Variants in COCH observed in about 807,000 individuals in gnomAD.
COCH encodes cochlin.
COCH carries 40 observed loss-of-function variants against 54.8 expected under a neutral mutation model. The observed-to-expected ratio is 0.73, with a 90% CI of 0.57 to 0.95. The LOEUF (loss-of-function observed/expected upper bound fraction) is 0.95, where lower values mean the gene tolerates loss of function less well. Among genes scored for constraint, COCH ranks in the 40% least tolerant of loss-of-function variants. The pLI is 0.00. For missense variants in COCH, 605 were observed against 675.0 expected, an observed-to-expected ratio of 0.90 and a Z score of 1.15; for synonymous variants, 256 against 237.9, an observed-to-expected ratio of 1.08 and a Z score of -0.70.
chr14:30,878,764 C>T (rs1474695843), intron 4 of COCH, 47 bp from the exon 5 acceptor site: 7 of 1,613,610 alleles, frequency 4.3e-6, no homozygotes, highest in Middle Eastern at 3.3e-4. Flanking sequence ...AGTGGGATGC[C>T]CTGAAAAAGT....
In COCH at chr14:30,889,659, T is replaced by A. The variant is rs564563172; in HGVS notation, c.1521T>A (p.Asp507Glu). ...FSVGVAWAPLDDLKDMASKPK... is the reference protein window; with the variant it reads ...FSVGVAWAPLEDLKDMASKPK... ...TTGGTGTGGCTTGGGCACCTCTGGA[T>A]GACCTGAAAGATATGGCTTCTAAAC... Residue 507 changes from aspartate to glutamate, a missense_variant, in exon 12 of 12, where the codon GAT becomes GAA. Asp to Glu is a conservative substitution (Grantham distance 45). Coordinates refer to ENST00000396618, the MANE Select transcript of COCH (RefSeq NM_004086.3). 68 of 1,614,118 alleles carry A rather than the reference T, an allele frequency of 4.2e-5. 1 individual carries two copies. The South Asian group carries it at 7.4e-4, about 17-fold the overall frequency.
intron 11 of COCH, among the ~76,000 whole-genome samples, chr14:30,887,922 G>C (rs1175595464): frequency 6.6e-6 from 1 of 152,136 alleles, no homozygotes; most frequent in African/African-American, 2.4e-5. Flanking sequence ...TAGTTAACAG[G>C]ATTGTATTCA....
chr14:30,889,460 T>C (rs903208682), intron 11 of COCH, 156 bp from the exon 12 acceptor site: 14 of 676,690 alleles, frequency 2.1e-5, no homozygotes, highest in Admixed American at 1.2e-4. Context: ...TCACAATGAC[T>C]GTGAAAACTT....
rs1054562696 is a variant in COCH at position 30,880,790 on chromosome 14, C to A, written c.629+56C>A. The A allele has an allele frequency of 4.7e-6, 6 of 1,282,320 alleles. No individual in the cohort carries two copies. The Admixed American group carries it at 5.1e-5, about 11-fold the overall frequency. The allele number at this position is 1,282,320 out of a possible 1,614,324, so 79.4% of individuals were successfully genotyped here. A position where few individuals can be genotyped will look rare whatever the true frequency, so the allele number is the denominator to read the frequency against. ...AAAAAAAATTATTTTGTAATTGACA[C>A]ATAATAATTATATATACTTATGGGG... On this transcript the variant is annotated intron_variant, in intron 8 of 11. Transcript: ENST00000396618.
rs1895424992 is a variant in COCH at position 30,877,833 on chromosome 14, G to T, written c.239+105G>T. 1.9e-6 allele frequency: 3 copies of T among 1,555,600 alleles called. No individual in the cohort carries two copies. The East Asian group carries it at 6.8e-5, about 35-fold the overall frequency. ...TCCTCCCTGCATTCTTTCTTTTGTT[G>T]CCATTGTGGCCACAGAAAATGGATA... On this transcript the variant is annotated intron_variant, in intron 4 of 11. Transcript: ENST00000396618. The surrounding 1 kb of genome is among the most constrained non-coding windows in gnomAD (Gnocchi z 8.6).
At chr14:30,878,773 G>A (rs763586677) in intron 4 of COCH, 38 bp from the exon 5 acceptor site, 1 of 1,614,002 alleles carries the variant, frequency 6.2e-7, no homozygotes, top group Non-Finnish European at 8.5e-7. Flanking sequence ...CCCTGAAAAA[G>A]TGTGGATAGC....
downstream of COCH, among the ~76,000 whole-genome samples, chr14:30,893,335 G>A (rs151086485): frequency 1.5e-3 from 221 of 151,836 alleles, 1 homozygote; most frequent in East Asian, 0.023. Flanking sequence ...TGTGTTTTTA[G>A]TAGAGACGGG....
At chr14:30,893,216 A>C, downstream of COCH, among the ~76,000 whole-genome samples, 1 of 134,338 alleles carries the variant, frequency 7.4e-6, no homozygotes, top group East Asian at 2.2e-4. Flanking sequence ...CAGTGGCGTG[A>C]TCTCAGCTCA....
chr14:30,881,785 C>CGTGTTAGCCAGGATG (rs1441498193), intron 8 of COCH, among the ~76,000 whole-genome samples: 167 of 150,732 alleles, frequency 1.1e-3, no homozygotes, highest in African/African-American at 3.8e-3. Context: ...GGGGAAACCC[C>CGTGTTAGCCAGGATG]GTCTCTACTA....
downstream of COCH, chr14:30,895,423 T>C (rs1346695869): frequency 1.2e-6 from 2 of 1,603,524 alleles, no homozygotes; most frequent in African/African-American, 2.7e-5. Flanking sequence ...ATACAAATAC[T>C]TTGGCAAGAG....
Position 30,886,305 on chromosome 14 carries a change from T to G in COCH, c.1470T>G (p.His490Gln). The G allele has an allele frequency of 6.2e-7, 1 of 1,614,076 alleles. No homozygotes were observed. The change falls in exon 11 of 12, where the codon CAT becomes CAG. Residue 490 changes from histidine (H) to glutamine (Q), a missense_variant. His to Gln is a conservative substitution (Grantham distance 24). Transcript: ENST00000396618. ...TCCAAGGCCCTGCAGCTGCTGCACA[T>G]GATGCAGGTAAGGTCCTTGTTCTTT... ...DDVQGPAAAAHDAGITIFSVG... is the reference protein window; with the variant it reads ...DDVQGPAAAAQDAGITIFSVG...
Position 30,889,789 on chromosome 14 carries a change from T to G in COCH, c.1651T>G (p.Ter551GluextTer2). Residue 551 changes from the stop codon to glutamate (E), a stop_lost, in exon 12 of 12, where the codon TAA becomes GAA. Coordinates refer to ENST00000396618, the MANE Select transcript of COCH (RefSeq NM_004086.3). ...TAGAGATTTCTTAGAATCCCAGCAATAATGGTAACATTTTGACAACTGAAA... is the reference window on the plus strand; with the variant it reads ...TAGAGATTTCTTAGAATCCCAGCAAGAATGGTAACATTTTGACAACTGAAA... ...ICRDFLESQQ[*>E] 1 of 1,608,882 alleles carries G rather than the reference T, an allele frequency of 6.2e-7. No individual in the cohort carries two copies. The highest frequency in any genetic ancestry group is 8.5e-7 in the Non-Finnish European group (1 of 1,175,806).
chr14:30,875,043 T>A lies in COCH; in HGVS notation c.35-13T>A. On this transcript the variant is annotated splice_polypyrimidine_tract_variant and intron_variant, in intron 2 of 11. Coordinates refer to ENST00000396618, the MANE Select transcript of COCH (RefSeq NM_004086.3). ...GGAGGCTGGAGCCAGCCCTCACGCT[T>A]CTCTCTTCGCAGGTGTGTGTCTGCT... The A allele has an allele frequency of 6.2e-7, 1 of 1,611,856 alleles. No homozygotes were observed. The highest frequency in any genetic ancestry group is 8.5e-7 in the Non-Finnish European group (1 of 1,179,530).
intron 7 of COCH, 27 bp from the exon 8 acceptor site, chr14:30,880,560 T>C (rs1895537467): frequency 6.2e-7 from 1 of 1,614,150 alleles, no homozygotes; most frequent in South Asian, 1.1e-5. Flanking sequence ...AGACTGCTAA[T>C]GAGGGGACTG....
chr14:30,880,568 C>A lies in COCH; in HGVS notation c.482-19C>A. On this transcript the variant is annotated intron_variant, in intron 7 of 11. Coordinates refer to ENST00000396618, the MANE Select transcript of COCH (RefSeq NM_004086.3). ...CCTCTTGAGACTGCTAATGAGGGGA[C>A]TGGTTTGGTTGTTCGCAGATTGTAA... 6.2e-7 allele frequency: 1 copy of A among 1,614,034 alleles called. No individual in the cohort carries two copies.
At chr14:30,889,233 A>G (rs564761411) in intron 11 of COCH, 1 of 245,928 alleles carries the variant, frequency 4.1e-6, no homozygotes, top group African/African-American at 2.3e-5. Context: ...CCTCATACGG[A>G]AAATTTTCAC....
chr14:30,882,037 AT>A (rs1895612157), intron 8 of COCH, among the ~76,000 whole-genome samples: 1 of 150,674 alleles, frequency 6.6e-6, no homozygotes, highest in African/African-American at 2.4e-5. Flanking sequence ...GAATATGCTC[AT>A]TATAGAAAGC....
chr14:30,885,355 G>T, intron 9 of COCH, 39 bp from the exon 10 acceptor site: 2 of 1,497,080 alleles, frequency 1.3e-6, no homozygotes, highest in Non-Finnish European at 1.9e-6. Flanking sequence ...GGTTTGAGCA[G>T]TGGTAAAGGC....
In COCH at chr14:30,877,167, T is replaced by C. The variant is rs930647814; in HGVS notation, c.83-405T>C. Among the ~76,000 whole-genome samples, 3 of 152,124 alleles carry C rather than the reference T, an allele frequency of 2.0e-5. No individual in the cohort carries two copies. Among genetic ancestry groups the C allele is most frequent in the African/African-American group, 4.8e-5 (2 of 41,428 alleles). On this transcript the variant is annotated intron_variant, in intron 3 of 11. Coordinates refer to ENST00000396618, the MANE Select transcript of COCH (RefSeq NM_004086.3). The surrounding 1 kb of genome is among the most constrained non-coding windows in gnomAD (Gnocchi z 8.6). ...TGACTTTTATTTTCTAGTTCAGATA[T>C]AGTTCCAATTATGTATTTCCAACCT...
Sources: gnomAD v4.1 joint callset for allele counts (sites outside exome capture counted in the v4.1 genomes callset) on GRCh38, gnomAD v4.1.1 for gene constraint, Gnocchi (gnomAD v3.1) non-coding constraint, MANE v1.5 for transcripts, NCBI Gene and HGNC (gene_info 2026-07-23, HGNC 2026-07-21) for gene names.